Variants in TENT5D observed in about 807,000 individuals in gnomAD.
TENT5D encodes the protein terminal nucleotidyltransferase 5D.
For missense variants in TENT5D, 191 were observed against 287.0 expected (o/e 0.67, Z 2.42); for synonymous variants, 103 against 100.6 (o/e 1.02, Z -0.15).
At chrX:80,414,491 A>G (rs1299824336) in intron 3 of TENT5D, among the ~76,000 whole-genome samples, 1 of 112,154 alleles carries the variant, frequency 8.9e-6, no homozygotes, top group East Asian at 2.8e-4. Context: ...GTCCTGAGAC[A>G]TCTGCCCAAG....
At chrX:80,396,135 A>C (rs1273301931) in intron 3 of TENT5D, among the ~76,000 whole-genome samples, 4 of 111,102 alleles carry the variant, frequency 3.6e-5, no homozygotes, top group Non-Finnish European at 5.7e-5. Flanking sequence ...GCTATTGTGA[A>C]TAGTACCACT....
At chrX:80,392,764 C>T (rs1040032002) in intron 3 of TENT5D, among the ~76,000 whole-genome samples, 1 of 108,009 alleles carries the variant, frequency 9.3e-6, no homozygotes, top group African/African-American at 3.4e-5. Flanking sequence ...GATCCACCCG[C>T]CTCGGCCTCC....
rs138632050 is a variant in TENT5D, at chrX:80,393,711, C to G, written c.-141-44899C>G. ...AACCTTTTACTATCATTTCCTTATT[C>G]CCATCACCTCCCAGCCTCTGGTAAC... On this transcript the variant is annotated intron_variant, in intron 3 of 4. Coordinates refer to the TENT5D transcript ENST00000538312. Among the ~76,000 whole-genome samples the G allele has an allele frequency of 1.3e-4, 15 of 111,406 alleles. No homozygotes were observed. In the East Asian group the frequency reaches 4.2e-3, roughly 31 times the overall value.
At chrX:80,353,826 T>G (rs1269288155) in intron 3 of TENT5D, among the ~76,000 whole-genome samples, 1 of 112,580 alleles carries the variant, frequency 8.9e-6, no homozygotes, top group Non-Finnish European at 1.9e-5. Flanking sequence ...ATGGTAGATC[T>G]GCTTTAAATT....
In TENT5D at chrX:80,409,464, TAGAG is replaced by T. The variant is rs796418746; in HGVS notation, c.-141-29143_-141-29140del. 4.2e-3 allele frequency among the ~76,000 whole-genome samples: 467 copies of T among 110,907 alleles called. 2 individuals are homozygous for T. Among genetic ancestry groups the T allele is most frequent in the Non-Finnish European group, 7.2e-3 (380 of 52,984 alleles). ...TTCTTATACACCAATAACAGACAAA[TAGAG>T]AGCCAAATGAGTGAACTCCCATTCA... On this transcript the variant is annotated intron_variant, in intron 3 of 4. Transcript: ENST00000538312.
In TENT5D at chrX:80,429,829, T is replaced by G. The variant is rs766668156; in HGVS notation, c.-141-8781T>G. 2.7e-5 allele frequency among the ~76,000 whole-genome samples: 3 copies of G among 111,683 alleles called. No homozygotes were observed. In the East Asian group the frequency reaches 8.4e-4, roughly 31 times the overall value. ...GAGTAATAAATACATCTTTTAAGATTATCTGTCCCTCAATTGAATTACGAG... is the reference window on the plus strand; with the variant it reads ...GAGTAATAAATACATCTTTTAAGATGATCTGTCCCTCAATTGAATTACGAG... On this transcript the variant is annotated intron_variant, in intron 1 of 2. Coordinates refer to ENST00000308293, the Ensembl canonical transcript of TENT5D.
At chrX:80,358,662 T>C (rs1930339881) in intron 3 of TENT5D, among the ~76,000 whole-genome samples, 1 of 112,322 alleles carries the variant, frequency 8.9e-6, no homozygotes, top group Non-Finnish European at 1.9e-5. Context: ...GACTTACCTT[T>C]GTTGAATCTA....
intron 3 of TENT5D, among the ~76,000 whole-genome samples, chrX:80,371,303 A>G (rs1042650882): frequency 9.0e-6 from 1 of 111,509 alleles, no homozygotes. Flanking sequence ...TTTTCTATTT[A>G]TAGGGCATAG....
At chrX:80,417,710 T>G (rs1602217424), upstream of TENT5D, among the ~76,000 whole-genome samples, 1 of 111,436 alleles carries the variant, frequency 9.0e-6, no homozygotes. Context: ...TTGTAGGTGA[T>G]CTGCTCCATT....
chrX:80,379,121 GAAAAGGCCTTTTCTGCATTCTCTTGCAGA>G (rs1930798674), intron 3 of TENT5D, among the ~76,000 whole-genome samples: 2 of 99,664 alleles, frequency 2.0e-5, no homozygotes, highest in South Asian at 4.9e-4. Flanking sequence ...TTCTCTTGCA[GAAAAGGCCTTTTCTGCATTCTCTTGCAGA>G]AAAGGCCTTT....
At chrX:80,386,480 C>T (rs1931011230) in intron 3 of TENT5D, among the ~76,000 whole-genome samples, 1 of 110,750 alleles carries the variant, frequency 9.0e-6, no homozygotes, top group African/African-American at 3.3e-5. Flanking sequence ...GGGTGCAGCA[C>T]ACCAACATGG....
intron 3 of TENT5D, among the ~76,000 whole-genome samples, chrX:80,375,987 T>TA (rs773049986): frequency 1.8e-4 from 20 of 111,626 alleles, no homozygotes; most frequent in Non-Finnish European, 3.6e-4. Flanking sequence ...TTGAAATATA[T>TA]TTTTATGTGT....
intron 2 of TENT5D, among the ~76,000 whole-genome samples, chrX:80,439,154 C>T (rs916854985): frequency 9.0e-6 from 1 of 111,359 alleles, no homozygotes; most frequent in Non-Finnish European, 1.9e-5. Context: ...ATTTTGAAAA[C>T]GATAATTAGA....
At chrX:80,421,725 A>G (rs932212554) in intron 1 of TENT5D, among the ~76,000 whole-genome samples, 2 of 111,933 alleles carry the variant, frequency 1.8e-5, no homozygotes, top group African/African-American at 6.5e-5. Context: ...TGTGAGAGAA[A>G]ATATGAGGAC....
intron 3 of TENT5D, among the ~76,000 whole-genome samples, chrX:80,364,239 T>C (rs964155954): frequency 4.5e-5 from 5 of 111,681 alleles, no homozygotes; most frequent in Non-Finnish European, 9.4e-5. Context: ...AATGAACTAA[T>C]GATTACCCCT....
intron 1 of TENT5D, among the ~76,000 whole-genome samples, chrX:80,422,234 G>A (rs892770061): frequency 3.6e-5 from 4 of 110,961 alleles, no homozygotes; most frequent in African/African-American, 1.3e-4. Context: ...CAGCACTTTG[G>A]GGGGCTGAGG....
intron 3 of TENT5D, among the ~76,000 whole-genome samples, chrX:80,380,572 CATT>C (rs756771427): frequency 1.8e-5 from 2 of 110,827 alleles, no homozygotes; most frequent in South Asian, 7.7e-4. Context: ...TAAACTCTCC[CATT>C]ATTATTGTGT....
At chrX:80,422,650 C>T (rs1044196248) in intron 1 of TENT5D, among the ~76,000 whole-genome samples, 16 of 110,768 alleles carry the variant, frequency 1.4e-4, no homozygotes, top group Non-Finnish European at 2.5e-4. Context: ...TGAGAGGGTG[C>T]GGTGAGTAGA....
upstream of TENT5D, among the ~76,000 whole-genome samples, chrX:80,420,054 A>T (rs1340904090): frequency 9.0e-6 from 1 of 111,669 alleles, no homozygotes; most frequent in African/African-American, 3.3e-5. Flanking sequence ...AAACAAAAAC[A>T]TGTTCACTTG....
Sources: allele counts gnomAD v4.1 joint callset (sites outside exome capture counted in the v4.1 genomes callset), GRCh38; gene constraint gnomAD v4.1.1; transcripts MANE v1.5; gene names NCBI Gene and HGNC (gene_info 2026-07-23, HGNC 2026-07-21).